TMEM192: variants seen among roughly 807,000 people sequenced by gnomAD.
TMEM192 encodes the protein transmembrane protein 192.
A neutral mutation model predicts 26.7 loss-of-function variants in TMEM192; 20 were observed. The ratio of observed to expected loss-of-function variants is 0.75; its 90% CI spans 0.53 to 1.09. The LOEUF (loss-of-function observed/expected upper bound fraction) is 1.09. TMEM192 is among the 50% of genes least tolerant of loss of function. The pLI is 0.00. For missense variants in TMEM192, 304 were observed against 322.6 expected, an observed-to-expected ratio of 0.94 and a Z score of 0.44; for synonymous variants, 124 against 121.0, an observed-to-expected ratio of 1.02 and a Z score of -0.16.
rs965572571 is a variant in TMEM192, at chr4:165,108,125, TTTTTTTTTTTTTTTG to T, written c.27+4607_27+4621del. 9.7e-5 allele frequency among the ~76,000 whole-genome samples: 6 copies of T among 61,938 alleles called. 1 individual carries two copies. The highest frequency in any genetic ancestry group is 5.5e-4 in the South Asian group (1 of 1,804). The allele number at this position is 61,938 out of a possible 152,430, so 40.6% of individuals were successfully genotyped here. A position where few individuals can be genotyped will look rare whatever the true frequency, so the allele number is the denominator to read the frequency against. ...TTTCTGTATTCCCTTTTTTTTTTTT[TTTTTTTTTTTTTTTG>T]GAGATGTAGTCTTGCTCTGTCACCC... On this transcript the variant is annotated intron_variant, in intron 1 of 5. Transcript: ENST00000306480.
intron 4 of TMEM192, among the ~76,000 whole-genome samples, chr4:165,086,172 A>G (rs1453303818): frequency 5.9e-5 from 9 of 152,168 alleles, no homozygotes; most frequent in African/African-American, 2.2e-4. Context: ...CCTGGAAAGC[A>G]GTGCCTAACT....
intron 3 of TMEM192, among the ~76,000 whole-genome samples, chr4:165,094,537 A>G (rs1734846812): frequency 2.0e-5 from 3 of 151,868 alleles, no homozygotes; most frequent in Non-Finnish European, 2.9e-5. Context: ...CATGCCTGTA[A>G]TCCCAGCTAC....
In TMEM192 at chr4:165,112,693, G is replaced by C. The variant is rs1375341301; in HGVS notation, c.27+54C>G. ...CTGAGTCTCCGCCCCGTGCGCCCCGGCACAAGAAAAAGCGGATTCCGGGGC... is the reference window on the plus strand; with the variant it reads ...CTGAGTCTCCGCCCCGTGCGCCCCGCCACAAGAAAAAGCGGATTCCGGGGC... On this transcript the variant is annotated intron_variant, in intron 1 of 5. Transcript: ENST00000306480. The C allele has an allele frequency of 3.7e-6, 6 of 1,604,000 alleles. No individual in the cohort carries two copies. The East Asian group carries it at 9.0e-5, about 24-fold the overall frequency.
chr4:165,089,499 A>G (rs1472181644), intron 3 of TMEM192, among the ~76,000 whole-genome samples: 4 of 151,972 alleles, frequency 2.6e-5, no homozygotes, highest in Admixed American at 1.3e-4. Context: ...TTTTTAAAAT[A>G]TTTTTAGTAG....
At chr4:165,084,019 A>G (rs947139247) in intron 5 of TMEM192, among the ~76,000 whole-genome samples, 25 of 151,804 alleles carry the variant, frequency 1.6e-4, no homozygotes, top group Non-Finnish European at 3.1e-4. Context: ...ATGGGGTTTC[A>G]CCATATTGGT....
At chr4:165,098,245 C>T (rs1272571623) in intron 3 of TMEM192, among the ~76,000 whole-genome samples, 2 of 151,996 alleles carry the variant, frequency 1.3e-5, no homozygotes, top group African/African-American at 4.8e-5. Context: ...CTGCCTCAGC[C>T]TCCCGAGTAG....
At chr4:165,080,068 T>G (rs780742092) in intron 5 of TMEM192, among the ~76,000 whole-genome samples, 18 of 152,210 alleles carry the variant, frequency 1.2e-4, no homozygotes, top group Non-Finnish European at 1.9e-4. Flanking sequence ...AGGATCCTAA[T>G]TTGTTAGAGT....
intron 1 of TMEM192, among the ~76,000 whole-genome samples, chr4:165,104,576 G>A (rs1271761946): frequency 6.6e-6 from 1 of 152,172 alleles, no homozygotes; most frequent in Non-Finnish European, 1.5e-5. Flanking sequence ...TGTCGCCGAG[G>A]CTGGAGTGCA....
chr4:165,097,908 A>G (rs930594435), intron 3 of TMEM192, among the ~76,000 whole-genome samples: 3 of 151,914 alleles, frequency 2.0e-5, no homozygotes, highest in Admixed American at 1.3e-4. Flanking sequence ...GCTTACTGCA[A>G]TCTTGATCTC....
Position 165,100,959 on chromosome 4 carries a change from C to T in TMEM192, c.175-67G>A, listed in dbSNP as rs147999256. The T allele has an allele frequency of 6.2e-4, 844 of 1,363,070 alleles. 7 individuals carry two copies. The African/African-American group carries it at 0.011, about 18-fold the overall frequency. 84.4% of individuals were successfully genotyped at this position (1,363,070 alleles called of 1,614,324 possible). On this transcript the variant is annotated intron_variant, in intron 2 of 5. Coordinates refer to ENST00000306480, the MANE Select transcript of TMEM192 (RefSeq NM_001100389.2). ...TAATTAGGAAGCAATAACTACCATC[C>T]CAGCATACATTCTTTTTTTTTTTTT...
chr4:165,097,449 G>C (rs1734936194), intron 3 of TMEM192, among the ~76,000 whole-genome samples: 2 of 144,640 alleles, frequency 1.4e-5, no homozygotes, highest in Admixed American at 7.0e-5. Flanking sequence ...AGCCGAGATA[G>C]CGCCACTGCA....
At chr4:165,080,329 C>T (rs1734490916) in intron 5 of TMEM192, among the ~76,000 whole-genome samples, 1 of 152,120 alleles carries the variant, frequency 6.6e-6, no homozygotes, top group African/African-American at 2.4e-5. Flanking sequence ...AATCTAACTC[C>T]TTCCTACACT....
rs778337944 is a variant in TMEM192, at chr4:165,088,578, A to C, written c.464T>G (p.Leu155Arg). ...SSGNTVLLLI[L>R]CMQHSFPEPG... ...CTCTGGGAAGGAGTGCTGCATGCACAGTATGAGGAGAAGCACTGTGTTGCC... is the reference window on the plus strand; with the variant it reads ...CTCTGGGAAGGAGTGCTGCATGCACCGTATGAGGAGAAGCACTGTGTTGCC... Residue 155 changes from leucine to arginine, a missense_variant, in exon 4 of 6, where the codon CTG becomes CGG. By Grantham distance (102) the Leu-to-Arg change is moderately radical. Transcript: ENST00000306480. 29 of 1,612,966 alleles carry C rather than the reference A, an allele frequency of 1.8e-5. No individual in the cohort carries two copies. The highest frequency in any genetic ancestry group is 2.4e-5 in the Non-Finnish European group (28 of 1,179,574).
At chr4:165,108,220 T>C (rs1735214121) in intron 1 of TMEM192, among the ~76,000 whole-genome samples, 1 of 141,942 alleles carries the variant, frequency 7.0e-6, no homozygotes, top group Non-Finnish European at 1.5e-5. Flanking sequence ...CCTCCTGCGT[T>C]CACACCATTC....
rs184845269 is a variant in TMEM192 at position 165,072,634 on chromosome 4, T to C, written c.*7024A>G. ...GTGAAGATTATAGTGGCTGGGGAAG[T>C]AGCATTGGGGGTGCCAAGAATTGGT... On this transcript the variant is annotated 3_prime_UTR_variant, in exon 6 of 6. Transcript: ENST00000306480. The C allele has an allele frequency of 4.1e-3, 619 of 151,418 alleles. 2 individuals are homozygous for C. Among genetic ancestry groups the C allele is most frequent in the Non-Finnish European group, 6.6e-3 (448 of 67,948 alleles). The allele number at this position is 151,418 out of a possible 1,614,324, so 9.4% of individuals were successfully genotyped here.
chr4:165,089,082 G>C (rs1333004177), intron 3 of TMEM192, among the ~76,000 whole-genome samples: 1 of 117,842 alleles, frequency 8.5e-6, no homozygotes, highest in Non-Finnish European at 1.8e-5. Flanking sequence ...AGAAATGAAA[G>C]ACCCAGAGAA....
chr4:165,095,051 T>TG (rs1376500092), intron 3 of TMEM192, among the ~76,000 whole-genome samples: 1 of 152,038 alleles, frequency 6.6e-6, no homozygotes, highest in East Asian at 1.9e-4. Flanking sequence ...TCCTGTGGGC[T>TG]GGGCGGTCCT....
chr4:165,091,101 T>C (rs928083928), intron 3 of TMEM192, among the ~76,000 whole-genome samples: 4 of 151,212 alleles, frequency 2.6e-5, no homozygotes, highest in Non-Finnish European at 4.4e-5. Context: ...CCGTCCCTAC[T>C]AAAAATACGA....
chr4:165,112,141 T>G (rs988200053), intron 1 of TMEM192, among the ~76,000 whole-genome samples: 1 of 152,354 alleles, frequency 6.6e-6, no homozygotes, highest in Admixed American at 6.5e-5. Context: ...TTTAAAAACC[T>G]TTGTATTCCT....
Sources: gnomAD v4.1 joint callset for allele counts (sites outside exome capture counted in the v4.1 genomes callset) on GRCh38, gnomAD v4.1.1 for gene constraint, MANE v1.5 for transcripts, NCBI Gene and HGNC (gene_info 2026-07-23, HGNC 2026-07-21) for gene names.